The following RIMBP2 variants were observed in gnomAD, a reference collection of about 807,000 sequenced individuals.
RIMBP2 encodes RIMS-binding protein 2.
Under a neutral mutation model 118.6 loss-of-function variants are expected in RIMBP2, and 48 were observed. The observed-to-expected ratio is 0.40, with a 90% confidence interval of 0.32 to 0.51. The LOEUF is 0.51. Among genes scored for constraint, RIMBP2 ranks in the 20% least tolerant of loss-of-function variants. The pLI, the probability that RIMBP2 is intolerant of heterozygous loss-of-function variation, is 0.41. For synonymous variants in RIMBP2, 762 were observed against 742.9 expected (o/e 1.03, Z -0.42); for missense variants, 1,551 against 1,768.3 (o/e 0.88, Z 2.20).
At chr12:130,619,601 A>C (rs1196910972) in intron 2 of RIMBP2, among the ~76,000 whole-genome samples, 2 of 152,180 alleles carry the variant, frequency 1.3e-5, no homozygotes. Flanking sequence ...ATGCACACGC[A>C]CGTGTTATTC....
chr12:130,647,176 A>T (rs1380306962), intron 1 of RIMBP2, among the ~76,000 whole-genome samples: 1 of 152,224 alleles, frequency 6.6e-6, no homozygotes. Context: ...CAGCTTAGCC[A>T]ACATGGTGAA....
At position 130,474,883 on chromosome 12, in the gene RIMBP2, C is replaced by A. The variant is rs188987987; in HGVS notation, c.102+4029G>T. ...TGACCATTCACAGCCTGTTCTCACA[C>A]CGTCCCACTCCTTGCTGTGTTGCTG... On this transcript the variant is annotated intron_variant, in intron 5 of 22. Transcript: ENST00000690449. 4.9e-4 allele frequency among the ~76,000 whole-genome samples: 74 copies of A among 152,322 alleles called. 2 individuals carry two copies. In the South Asian group the frequency reaches 0.015, roughly 31 times the overall value.
chr12:130,703,098 A>G lies in RIMBP2; in HGVS notation c.-352+13124T>C, dbSNP rs2695882. ...TTTCCTGTAATGCCTCCAGGTCACC[A>G]GGTCACTGCAGCAGGCCAGGGGTGG... On this transcript the variant is annotated intron_variant, in intron 1 of 22. Transcript: ENST00000690449. The surrounding 1 kb of genome is among the most constrained non-coding windows in gnomAD (Gnocchi z 5.7). 0.69 allele frequency among the ~76,000 whole-genome samples: 104,279 copies of G among 151,968 alleles called. 37,445 individuals are homozygous for G. Among genetic ancestry groups the G allele is most frequent in the Middle Eastern group, 0.85 (251 of 294 alleles).
chr12:130,417,386 C>T (rs1414183740), intron 17 of RIMBP2, among the ~76,000 whole-genome samples: 1 of 152,236 alleles, frequency 6.6e-6, no homozygotes, highest in Non-Finnish European at 1.5e-5. Flanking sequence ...GCGTATACCA[C>T]ATGGAATGCT....
intron 1 of RIMBP2, among the ~76,000 whole-genome samples, chr12:130,701,634 G>A (rs901829380): frequency 6.6e-5 from 10 of 152,240 alleles, no homozygotes; most frequent in Non-Finnish European, 1.0e-4. Context: ...CTGTGAGACC[G>A]ACTGTAGCAC....
intron 2 of RIMBP2, among the ~76,000 whole-genome samples, chr12:130,538,797 G>A (rs1393602767): frequency 6.6e-6 from 1 of 152,218 alleles, no homozygotes; most frequent in Non-Finnish European, 1.5e-5. Context: ...AGGCTTGAGA[G>A]TCATGGGCAG....
chr12:130,422,511 C>T lies in RIMBP2; in HGVS notation c.3180G>A (p.Arg1060=), dbSNP rs754657085. 5 of 1,613,148 alleles carry T rather than the reference C, an allele frequency of 3.1e-6. No homozygotes were observed. The highest frequency in any genetic ancestry group is 4.2e-6 in the Non-Finnish European group (5 of 1,179,630). ...GAGGACCAGCGCTGCCACGGGGAAA[C>T]CTCCGGCCCATGTGATCCACCCGTC... The part of the protein sequence containing the change: ...SAGRVDHMGR[R]FPRGSAGPQR... The change falls in exon 17 of 23, where the codon AGG becomes AGA. Residue 1060 remains arginine (R), a synonymous_variant. Coordinates refer to ENST00000690449, the MANE Select transcript of RIMBP2 (RefSeq NM_001393629.1). This position sits in a 1 kb window ranked among gnomAD's most constrained non-coding sequence, Gnocchi z 5.2.
chr12:130,595,055 T>A (rs2059473768), intron 2 of RIMBP2, among the ~76,000 whole-genome samples: 1 of 152,220 alleles, frequency 6.6e-6, no homozygotes, highest in African/African-American at 2.4e-5. Flanking sequence ...AGATTGGCAC[T>A]AGCAGATATT....
chr12:130,502,977 CTAGT>C (rs1441948573), intron 4 of RIMBP2, among the ~76,000 whole-genome samples: 2 of 152,156 alleles, frequency 1.3e-5, no homozygotes, highest in African/African-American at 4.8e-5. Flanking sequence ...CAGGCGGAGT[CTAGT>C]TAGACCACCC....
chr12:130,562,500 CT>C (rs1233267644), intron 2 of RIMBP2, among the ~76,000 whole-genome samples: 5 of 152,198 alleles, frequency 3.3e-5, no homozygotes, highest in Non-Finnish European at 5.9e-5. Context: ...GACCAGTCAC[CT>C]TTGCTTGACA....
In RIMBP2 at chr12:130,646,428, TCTC is replaced by T. The variant is rs1352235175; in HGVS notation, c.-351-17975_-351-17973del. 2.9e-4 allele frequency among the ~76,000 whole-genome samples: 34 copies of T among 118,744 alleles called. 12 individuals carry two copies. Among genetic ancestry groups the T allele is most frequent in the African/African-American group, 2.6e-4 (9 of 34,724 alleles). The allele number at this position is 118,744 out of a possible 152,430, so 77.9% of individuals were successfully genotyped here. ...CTCTCCACCTCCCTCACCACTTCCC[TCTC>T]CACCTCCCTTGCCACCTCCCTCGCC... On this transcript the variant is annotated intron_variant, in intron 1 of 22. Transcript: ENST00000690449.
intron 1 of RIMBP2, among the ~76,000 whole-genome samples, chr12:130,664,414 C>CGT (rs1248117621): frequency 4.0e-4 from 37 of 93,550 alleles, no homozygotes; most frequent in Non-Finnish European, 9.0e-4. Context: ...CACGCACGCA[C>CGT]ACACACGCAC....
At chr12:130,587,649 A>C (rs1196266977) in intron 2 of RIMBP2, among the ~76,000 whole-genome samples, 1 of 85,912 alleles carries the variant, frequency 1.2e-5, no homozygotes, top group Non-Finnish European at 2.2e-5. Flanking sequence ...TGGACACAGG[A>C]AGGGGAATAT....
intron 4 of RIMBP2, among the ~76,000 whole-genome samples, chr12:130,502,700 G>A (rs577543129): frequency 2.6e-5 from 4 of 152,248 alleles, no homozygotes; most frequent in Non-Finnish European, 4.4e-5. Context: ...TGTATCACAC[G>A]CATTTGACTT....
intron 1 of RIMBP2, among the ~76,000 whole-genome samples, chr12:130,704,386 C>A (rs898635059): frequency 8.5e-5 from 13 of 152,088 alleles, no homozygotes; most frequent in African/African-American, 3.1e-4. Context: ...GACCAACTGG[C>A]CAAATTGGCG....
At chr12:130,657,136 A>C (rs2063466528) in intron 1 of RIMBP2, among the ~76,000 whole-genome samples, 1 of 152,170 alleles carries the variant, frequency 6.6e-6, no homozygotes, top group Non-Finnish European at 1.5e-5. Context: ...GGGCTGAAGC[A>C]ATCCTCCCAG....
intron 2 of RIMBP2, among the ~76,000 whole-genome samples, chr12:130,577,408 A>T (rs546242143): frequency 7.9e-5 from 12 of 152,322 alleles, no homozygotes; most frequent in Admixed American, 2.6e-4. Flanking sequence ...AGGGACTCAC[A>T]GTTCCACATG....
intron 18 of RIMBP2, among the ~76,000 whole-genome samples, chr12:130,413,454 T>TC (rs2075875349): frequency 6.6e-6 from 1 of 151,804 alleles, no homozygotes. Context: ...TCATGGTGAA[T>TC]CCCTGTCTCT....
chr12:130,698,314 C>T (rs1188053028), intron 1 of RIMBP2, among the ~76,000 whole-genome samples: 1 of 152,210 alleles, frequency 6.6e-6, no homozygotes, highest in African/African-American at 2.4e-5. Flanking sequence ...AACTTGCTCA[C>T]TTCAGAAGGC....
Sources: gnomAD v4.1 joint callset for allele counts (sites outside exome capture counted in the v4.1 genomes callset) on GRCh38, gnomAD v4.1.1 for gene constraint, Gnocchi (gnomAD v3.1) non-coding constraint, MANE v1.5 for transcripts, NCBI Gene and HGNC (gene_info 2026-07-23, HGNC 2026-07-21) for gene names.